Variants in LUZP2 observed in about 807,000 individuals in gnomAD.
LUZP2 encodes the protein leucine zipper protein 2.
In LUZP2, 52 loss-of-function variants were observed where a neutral mutation model predicts 51.6. That is an observed-to-expected ratio of 1.01 (90% CI 0.81 to 1.27). The LOEUF is 1.27. Among genes scored for constraint, LUZP2 ranks in the 50% most tolerant of loss-of-function variants. The pLI is 0.00. For missense variants in LUZP2, 436 were observed against 395.4 expected (o/e 1.10, Z -0.87); for synonymous variants, 154 against 137.3 (o/e 1.12, Z -0.85).
At chr11:24,763,141 A>G (rs1590472958) in intron 4 of LUZP2, 105 bp from the exon 5 acceptor site, 1 of 598,266 alleles carries the variant, frequency 1.7e-6, no homozygotes, top group Non-Finnish European at 2.6e-6. Context: ...CTTTTTCAAT[A>G]TTTGTTAATA....
intron 8 of LUZP2, among the ~76,000 whole-genome samples, chr11:24,982,661 G>A (rs1393492695): frequency 6.6e-6 from 1 of 151,674 alleles, no homozygotes; most frequent in Non-Finnish European, 1.5e-5. Context: ...CAACTGCTGG[G>A]TACTGGGCTG....
In LUZP2 at chr11:25,067,157, G is replaced by T. The variant is rs143332628; in HGVS notation, c.859-10172G>T. Among the ~76,000 whole-genome samples, 822 of 151,972 alleles carry T rather than the reference G, an allele frequency of 5.4e-3. 8 individuals are homozygous for T. Among genetic ancestry groups the T allele is most frequent in the African/African-American group, 0.019 (778 of 41,504 alleles). On this transcript the variant is annotated intron_variant, in intron 10 of 11. Coordinates refer to ENST00000336930, the MANE Select transcript of LUZP2 (RefSeq NM_001009909.4). ...ATGTAGTGTAGGTTTTAGGCACAGAGAGACTGAGTCATTTTAAAAAGGAAC... is the reference window on the plus strand; with the variant it reads ...ATGTAGTGTAGGTTTTAGGCACAGATAGACTGAGTCATTTTAAAAAGGAAC...
At chr11:24,896,896 T>C (rs1337132526) in intron 5 of LUZP2, among the ~76,000 whole-genome samples, 1 of 152,004 alleles carries the variant, frequency 6.6e-6, no homozygotes, top group Non-Finnish European at 1.5e-5. Context: ...TGGTGGGGAC[T>C]TGGAGAAATT....
chr11:24,589,492 T>A (rs1337687769), intron 1 of LUZP2, among the ~76,000 whole-genome samples: 1 of 152,204 alleles, frequency 6.6e-6, no homozygotes, highest in Non-Finnish European at 1.5e-5. Context: ...AAGTGCAAAT[T>A]ATTTCTGATA....
chr11:24,739,469 TGA>T (rs1436604941), intron 4 of LUZP2, among the ~76,000 whole-genome samples: 3 of 152,186 alleles, frequency 2.0e-5, no homozygotes, highest in Admixed American at 6.5e-5. Context: ...GGAGCATCAA[TGA>T]GAGAGTCCAG....
At chr11:25,063,350 G>A (rs1377671081) in intron 10 of LUZP2, among the ~76,000 whole-genome samples, 2 of 151,592 alleles carry the variant, frequency 1.3e-5, no homozygotes, top group East Asian at 1.9e-4. Flanking sequence ...CTGATATTGA[G>A]GGATGTCTGT....
chr11:24,667,000 C>A (rs1856235218), intron 1 of LUZP2, among the ~76,000 whole-genome samples: 1 of 152,136 alleles, frequency 6.6e-6, no homozygotes, highest in African/African-American at 2.4e-5. Context: ...TTCGCCCCAT[C>A]ATCAGTTTTC....
chr11:24,684,547 G>C (rs1326515669), intron 1 of LUZP2, among the ~76,000 whole-genome samples: 1 of 152,196 alleles, frequency 6.6e-6, no homozygotes, highest in Non-Finnish European at 1.5e-5. Context: ...TCAAATGCAC[G>C]CTGATGGTGT....
intron 10 of LUZP2, among the ~76,000 whole-genome samples, chr11:25,070,391 T>C (rs1859119249): frequency 6.6e-6 from 1 of 151,950 alleles, no homozygotes; most frequent in Non-Finnish European, 1.5e-5. Flanking sequence ...AGATAAGATA[T>C]TTATTATCTT....
chr11:24,676,287 A>G (rs1220729026), intron 1 of LUZP2, among the ~76,000 whole-genome samples: 1 of 152,206 alleles, frequency 6.6e-6, no homozygotes, highest in Non-Finnish European at 1.5e-5. Flanking sequence ...AATTCTTTCT[A>G]TAAAGCCCAA....
chr11:24,872,522 T>C (rs1356350804), intron 5 of LUZP2, among the ~76,000 whole-genome samples: 1 of 152,172 alleles, frequency 6.6e-6, no homozygotes. Context: ...AAATGTTAAT[T>C]ACCTATCACT....
intron 1 of LUZP2, among the ~76,000 whole-genome samples, chr11:24,674,917 A>G (rs1295940873): frequency 1.3e-5 from 2 of 152,202 alleles, no homozygotes; most frequent in Non-Finnish European, 2.9e-5. Context: ...ATGTGCAAGG[A>G]AACTATAATA....
chr11:24,530,567 G>C (rs1377434791), intron 1 of LUZP2, among the ~76,000 whole-genome samples: 3 of 150,720 alleles, frequency 2.0e-5, no homozygotes, highest in African/African-American at 7.3e-5. Context: ...ACAAGAATCT[G>C]CATTTGATCT....
At chr11:25,029,962 A>G (rs1392147306) in intron 9 of LUZP2, among the ~76,000 whole-genome samples, 2 of 152,126 alleles carry the variant, frequency 1.3e-5, no homozygotes, top group Non-Finnish European at 1.5e-5. Flanking sequence ...TAAGGTGTGT[A>G]CATAACATAA....
intron 10 of LUZP2, among the ~76,000 whole-genome samples, chr11:25,056,672 C>T (rs1858691636): frequency 6.6e-6 from 1 of 152,116 alleles, no homozygotes; most frequent in African/African-American, 2.4e-5. Context: ...ATCACCAAGT[C>T]AACTGGTAAA....
chr11:25,024,017 G>A (rs1198064139), intron 9 of LUZP2, among the ~76,000 whole-genome samples: 2 of 152,080 alleles, frequency 1.3e-5, no homozygotes, highest in Non-Finnish European at 2.9e-5. Context: ...TATAATTTCT[G>A]TTCTTTTACA....
intron 8 of LUZP2, among the ~76,000 whole-genome samples, chr11:24,980,737 T>C (rs1388111842): frequency 6.6e-6 from 1 of 151,736 alleles, no homozygotes; most frequent in East Asian, 1.9e-4. Context: ...ATAGGGGCTG[T>C]TTGCATGAAA....
intron 7 of LUZP2, among the ~76,000 whole-genome samples, chr11:24,937,226 T>A (rs1377494715): frequency 1.3e-5 from 2 of 152,242 alleles, no homozygotes; most frequent in Admixed American, 1.3e-4. Context: ...CATTGTCTAC[T>A]GAATATTTTG....
At chr11:24,808,255 T>C (rs1340994552) in intron 5 of LUZP2, among the ~76,000 whole-genome samples, 1 of 152,108 alleles carries the variant, frequency 6.6e-6, no homozygotes, top group Non-Finnish European at 1.5e-5. Flanking sequence ...TCCAAGAATA[T>C]TTTGGGTTTT....
Sources: gnomAD v4.1 joint callset for allele counts (sites outside exome capture counted in the v4.1 genomes callset) on GRCh38, gnomAD v4.1.1 for gene constraint, MANE v1.5 for transcripts, NCBI Gene and HGNC (gene_info 2026-07-23, HGNC 2026-07-21) for gene names.